The following CDC42BPA variants were observed in gnomAD, a reference collection of about 807,000 sequenced individuals.
CDC42BPA encodes the protein serine/threonine-protein kinase MRCK alpha.
In CDC42BPA, 80 loss-of-function variants were observed where a neutral mutation model predicts 223.5. The observed-to-expected ratio is 0.36, with a 90% CI of 0.30 to 0.43. The LOEUF is 0.43. CDC42BPA is among the 20% of genes least tolerant of loss of function. The probability of loss-of-function intolerance (pLI) is 1.00; values close to 1 mark genes in which losing one functional copy is unlikely to be tolerated. For missense variants in CDC42BPA, 1,743 were observed against 2,099.9 expected (o/e 0.83, Z 3.32); for synonymous variants, 694 against 718.6 (o/e 0.97, Z 0.55).
chr1:226,994,964 A>G lies in CDC42BPA; in HGVS notation c.4992T>C (p.Asn1664=), dbSNP rs779265076. 2.5e-6 allele frequency: 4 copies of G among 1,614,046 alleles called. No homozygotes were observed. Among genetic ancestry groups the G allele is most frequent in the Non-Finnish European group, 3.4e-6 (4 of 1,179,964 alleles). Residue 1664 remains asparagine, a synonymous_variant, in exon 36 of 37, where the codon AAT becomes AAC. Transcript: ENST00000366766. The surrounding 1 kb of genome is among the most constrained non-coding windows in gnomAD (Gnocchi z 4.0). Reference sequence around the variant, plus strand: ...AGAATTCCCTCTTTAATGCGCTGCCATTCTGTGCGGATGACCCTACAGTAC... The same window carrying G: ...AGAATTCCCTCTTTAATGCGCTGCCGTTCTGTGCGGATGACCCTACAGTAC... ...SGLSARSSAQ[N]GSALKREFSG...
chr1:227,250,475 C>A (rs1681780795), intron 2 of CDC42BPA, among the ~76,000 whole-genome samples: 1 of 151,556 alleles, frequency 6.6e-6, no homozygotes. Context: ...GCGACAAGAG[C>A]AAAACTCCAT....
At chr1:227,041,522 A>C (rs760851657) in intron 23 of CDC42BPA, among the ~76,000 whole-genome samples, 1 of 152,204 alleles carries the variant, frequency 6.6e-6, no homozygotes, top group African/African-American at 2.4e-5. Flanking sequence ...ACAAAAAACT[A>C]AAGGGAATAT....
rs141830603 is a variant in CDC42BPA, at chr1:227,143,299, G to A, written c.1144-275C>T. Among the ~76,000 whole-genome samples the A allele has an allele frequency of 2.4e-3, 363 of 152,294 alleles. 4 individuals carry two copies. In the East Asian group the frequency reaches 0.052, roughly 22 times the overall value. ...ATGTATTCTGTATTTGCAAATTTGT[G>A]TAGAAGCTAATATTTATTTGTAAAC... On this transcript the variant is annotated intron_variant, in intron 8 of 36. Transcript: ENST00000366766.
At chr1:227,231,964 C>G (rs1479434801) in intron 2 of CDC42BPA, among the ~76,000 whole-genome samples, 1 of 152,152 alleles carries the variant, frequency 6.6e-6, no homozygotes, top group African/African-American at 2.4e-5. Context: ...GTTTCTTTTG[C>G]CATACAGAAG....
chr1:227,126,467 G>GGAAT (rs1326686124), intron 11 of CDC42BPA, among the ~76,000 whole-genome samples: 1 of 8,408 alleles, frequency 1.2e-4, no homozygotes, highest in East Asian at 2.9e-3. Context: ...GTACAAGAAA[G>GGAAT]GAAGGAAGGA....
At chr1:227,041,067 C>T (rs564501056) in intron 23 of CDC42BPA, among the ~76,000 whole-genome samples, 12 of 152,114 alleles carry the variant, frequency 7.9e-5, no homozygotes, top group Non-Finnish European at 1.8e-4. Flanking sequence ...ATAGTATCTA[C>T]CTAACGGAGT....
chr1:227,119,991 A>C lies in CDC42BPA; in HGVS notation c.1514-54T>G, dbSNP rs16847137. The C allele has an allele frequency of 2.1e-3, 3,101 of 1,450,276 alleles. 72 individuals are homozygous for C. The East Asian group carries it at 0.036, about 17-fold the overall frequency. 89.8% of individuals were successfully genotyped at this position (1,450,276 alleles called of 1,614,324 possible). ...CTATTTGTATAAAAGCAAATGATTGAACCTAAGGTAAAACAACTAAAATTT... is the reference window on the plus strand; with the variant it reads ...CTATTTGTATAAAAGCAAATGATTGCACCTAAGGTAAAACAACTAAAATTT... On this transcript the variant is annotated intron_variant, in intron 11 of 36. Coordinates refer to ENST00000366766, the MANE Select transcript of CDC42BPA (RefSeq NM_001394014.1).
intron 35 of CDC42BPA, among the ~76,000 whole-genome samples, chr1:227,003,393 C>G (rs200441705): frequency 2.6e-5 from 4 of 152,178 alleles, no homozygotes; most frequent in African/African-American, 9.7e-5. Flanking sequence ...AAGCAAGTAC[C>G]ATGCTCCCGG....
intron 1 of CDC42BPA, among the ~76,000 whole-genome samples, chr1:227,280,047 G>C (rs747157853): frequency 2.6e-5 from 4 of 151,758 alleles, no homozygotes; most frequent in Non-Finnish European, 5.9e-5. Flanking sequence ...CACAGAGCAA[G>C]ACTCCATCTC....
intron 34 of CDC42BPA, chr1:227,011,148 A>C: frequency 3.1e-6 from 2 of 646,438 alleles, no homozygotes; most frequent in Non-Finnish European, 4.5e-6. Context: ...CACAGAACAA[A>C]TGGAATAGTA....
chr1:227,302,417 A>T (rs1030022104), intron 1 of CDC42BPA, among the ~76,000 whole-genome samples: 1 of 152,230 alleles, frequency 6.6e-6, no homozygotes, highest in Non-Finnish European at 1.5e-5. Flanking sequence ...ATTTCAGTTT[A>T]GAAACTGTTT....
chr1:227,025,964 G>A (rs896558625), intron 31 of CDC42BPA, 91 bp downstream of exon 31: 8 of 673,146 alleles, frequency 1.2e-5, no homozygotes, highest in South Asian at 1.9e-5. Context: ...TCCAGAAAAT[G>A]TTGAATTAAT....
At position 227,145,650 on chromosome 1, in the gene CDC42BPA, G is replaced by T. The variant is rs780699158; in HGVS notation, c.982C>A (p.Arg328=). 1 of 1,613,656 alleles carries T rather than the reference G, an allele frequency of 6.2e-7. No homozygotes were observed. Among genetic ancestry groups the T allele is most frequent in the Non-Finnish European group, 8.5e-7 (1 of 1,179,736 alleles). The stretch of plus-strand genomic sequence containing the variant: ...TCTTCTATTCCATTTTGACCAAGTC[G>T]ATGTTCTCTGCTACAAATGAGCCTT... ...IRRLICSREH[R]LGQNGIEDFK... is the part of the protein sequence containing the mutation. Residue 328 remains arginine, a synonymous_variant, in exon 8 of 37, where the codon CGA becomes AGA. Transcript: ENST00000366766.
At chr1:227,240,983 CAAAG>C (rs1409936711) in intron 2 of CDC42BPA, among the ~76,000 whole-genome samples, 1 of 151,830 alleles carries the variant, frequency 6.6e-6, no homozygotes. Flanking sequence ...AAACATCTGA[CAAAG>C]AACTCCTACA....
At chr1:227,316,544 C>G (rs1694426489) in intron 1 of CDC42BPA, among the ~76,000 whole-genome samples, 1 of 152,214 alleles carries the variant, frequency 6.6e-6, no homozygotes, top group Non-Finnish European at 1.5e-5. Context: ...ACCCACTGAT[C>G]ACCACCTTCA....
chr1:227,260,775 T>C (rs1683902491), intron 1 of CDC42BPA, among the ~76,000 whole-genome samples: 1 of 150,904 alleles, frequency 6.6e-6, no homozygotes. Context: ...CCATTCTTCT[T>C]CTCCCTTATC....
intron 10 of CDC42BPA, among the ~76,000 whole-genome samples, chr1:227,136,442 G>C (rs936416777): frequency 1.3e-5 from 2 of 152,172 alleles, no homozygotes; most frequent in Non-Finnish European, 2.9e-5. Context: ...CAGAAGGAGA[G>C]GAGAAAGTGC....
intron 10 of CDC42BPA, among the ~76,000 whole-genome samples, chr1:227,133,030 G>A (rs1279240771): frequency 2.8e-4 from 42 of 151,756 alleles, no homozygotes; most frequent in African/African-American, 9.9e-4. Flanking sequence ...ACCCCGTCCG[G>A]GAGGGAGGTG....
chr1:227,308,243 T>C (rs1692898673), intron 1 of CDC42BPA, among the ~76,000 whole-genome samples: 1 of 152,156 alleles, frequency 6.6e-6, no homozygotes, highest in African/African-American at 2.4e-5. Flanking sequence ...TGGTGGCTCA[T>C]GCCTAAAATC....
Sources: allele counts gnomAD v4.1 joint callset (sites outside exome capture counted in the v4.1 genomes callset), GRCh38; gene constraint gnomAD v4.1.1; non-coding constraint Gnocchi (gnomAD v3.1); transcripts MANE v1.5; gene names NCBI Gene and HGNC (gene_info 2026-07-23, HGNC 2026-07-21).